Variants in CIT observed in about 807,000 individuals in gnomAD.
CIT encodes citron Rho-interacting kinase.
A neutral mutation model predicts 272.7 loss-of-function variants in CIT; 79 were observed. The ratio of observed to expected loss-of-function variants is 0.29; its 90% CI spans 0.24 to 0.35. CIT has a LOEUF of 0.35. Ranked by LOEUF, CIT falls within the 10% of genes least tolerant of loss-of-function variation. The pLI is 1.00. For missense variants in CIT, 1,909 were observed against 2,618.3 expected (o/e 0.73, Z 5.91); for synonymous variants, 948 against 995.6 (o/e 0.95, Z 0.90).
At chr12:119,730,847 G>A (rs954335901) in intron 26 of CIT, among the ~76,000 whole-genome samples, 2 of 152,354 alleles carry the variant, frequency 1.3e-5, no homozygotes, top group East Asian at 3.9e-4. Flanking sequence ...AACAAAACAG[G>A]CCAGGCACGG....
chr12:119,741,405 A>G lies in CIT; in HGVS notation c.2958+1006T>C, dbSNP rs780057467. On this transcript the variant is annotated intron_variant, in intron 24 of 47. Transcript: ENST00000392521. ...GGGACTAAGAAAGTTCTGTATCTTGATCTACATTGGGGTTACCCAGTTGTC... is the reference window on the plus strand; with the variant it reads ...GGGACTAAGAAAGTTCTGTATCTTGGTCTACATTGGGGTTACCCAGTTGTC... 7.6e-4 allele frequency among the ~76,000 whole-genome samples: 116 copies of G among 152,238 alleles called. 1 individual carries two copies. The highest frequency in any genetic ancestry group is 2.1e-4 in the Non-Finnish European group (14 of 68,046).
intron 10 of CIT, among the ~76,000 whole-genome samples, chr12:119,793,062 G>C (rs1312130753): frequency 2.6e-5 from 4 of 152,118 alleles, no homozygotes. Flanking sequence ...AGTCTGTCTA[G>C]CTTTGGGGCA....
At chr12:119,796,572 G>C (rs7300010) in intron 10 of CIT, among the ~76,000 whole-genome samples, 66,928 of 152,024 alleles carry the variant, frequency 0.44, 15,580 homozygotes, top group Admixed American at 0.6. Flanking sequence ...GAGCGAGTGG[G>C]TCTGTCTATG....
At chr12:119,869,012 GTT>G (rs1247997419) in intron 3 of CIT, 46 bp downstream of exon 3, 9 of 1,600,508 alleles carry the variant, frequency 5.6e-6, no homozygotes, top group Non-Finnish European at 7.7e-6. Flanking sequence ...CATCTTTCTA[GTT>G]TTTCTCTCTC....
At chr12:119,872,218 T>G (rs1950700773) in intron 2 of CIT, among the ~76,000 whole-genome samples, 1 of 152,100 alleles carries the variant, frequency 6.6e-6, no homozygotes, top group South Asian at 2.1e-4. Context: ...GTCTTTCTTT[T>G]TATTTTTTTT....
intron 9 of CIT, among the ~76,000 whole-genome samples, chr12:119,810,851 G>A (rs568929820): frequency 6.6e-6 from 1 of 152,292 alleles, no homozygotes; most frequent in South Asian, 2.1e-4. Context: ...GAAGTCTCAT[G>A]GGAATGAACG....
In CIT at chr12:119,718,849, G is replaced by C. The variant is rs527703105; in HGVS notation, c.3853C>G (p.Arg1285Gly). Residue 1285 changes from arginine to glycine, a missense_variant, in exon 31 of 48, where the codon CGA becomes GGA. Arg to Gly is a moderately radical substitution (Grantham distance 125, BLOSUM62 -2). This residue lies in a region of CIT where 780 missense variants were observed against 1,067.2 expected (regional missense o/e 0.73). Coordinates refer to ENST00000392521, the MANE Select transcript of CIT (RefSeq NM_001206999.2). This position sits in a 1 kb window ranked among gnomAD's most constrained non-coding sequence, Gnocchi z 4.8. ...GGTAAAGCAGGGTCCTCTTTCCGTCGACTAAATAAACCCTAGCAATGGAAA... is the reference window on the plus strand; with the variant it reads ...GGTAAAGCAGGGTCCTCTTTCCGTCCACTAAATAAACCCTAGCAATGGAAA... Reference protein sequence around the residue: ...PAKKKKGLFSRRKEDPALPTQ... With the variant: ...PAKKKKGLFSGRKEDPALPTQ... The C allele has an allele frequency of 6.2e-7, 1 of 1,614,050 alleles. No homozygotes were observed. Among genetic ancestry groups the C allele is most frequent in the East Asian group, 2.2e-5 (1 of 44,866 alleles).
chr12:119,828,993 G>C (rs1382469397), intron 7 of CIT, among the ~76,000 whole-genome samples: 4 of 31,140 alleles, frequency 1.3e-4, no homozygotes, highest in Non-Finnish European at 4.1e-4. Context: ...GGAAAAGAAA[G>C]GAAGGAAGGA....
intron 23 of CIT, among the ~76,000 whole-genome samples, chr12:119,743,162 C>G (rs1177454187): frequency 6.6e-6 from 1 of 150,720 alleles, no homozygotes; most frequent in East Asian, 1.9e-4. Flanking sequence ...GACGGAAGAT[C>G]GGAAATGAAT....
At chr12:119,753,128 C>T (rs949613362) in intron 22 of CIT, among the ~76,000 whole-genome samples, 1 of 152,064 alleles carries the variant, frequency 6.6e-6, no homozygotes, top group African/African-American at 2.4e-5. Flanking sequence ...CAAACATGGA[C>T]AGTGTGGTCC....
intron 22 of CIT, among the ~76,000 whole-genome samples, chr12:119,752,470 A>C (rs1002529635): frequency 6.6e-6 from 1 of 152,166 alleles, no homozygotes; most frequent in Non-Finnish European, 1.5e-5. Context: ...ATATCTCCTA[A>C]CCACCCCTTA....
intron 26 of CIT, among the ~76,000 whole-genome samples, chr12:119,732,937 C>T (rs957796459): frequency 2.6e-5 from 4 of 152,182 alleles, no homozygotes; most frequent in Admixed American, 1.3e-4. Context: ...AACTGGAAAG[C>T]GGCACCCGTC....
chr12:119,823,502 G>A (rs1051083756), intron 8 of CIT, among the ~76,000 whole-genome samples: 9 of 152,148 alleles, frequency 5.9e-5, no homozygotes, highest in African/African-American at 9.7e-5. Flanking sequence ...TAACGCACTC[G>A]TTATTGAATG....
chr12:119,820,392 A>G (rs1215246666), intron 9 of CIT, among the ~76,000 whole-genome samples: 1 of 151,906 alleles, frequency 6.6e-6, no homozygotes, highest in Non-Finnish European at 1.5e-5. Context: ...CTCTACTGAA[A>G]ATACAAAAAG....
At position 119,752,125 on chromosome 12, in the gene CIT, C is replaced by A; in HGVS notation, c.2829G>T (p.Glu943Asp). The A allele has an allele frequency of 6.2e-7, 1 of 1,613,070 alleles. No individual in the cohort carries two copies. Among genetic ancestry groups the A allele is most frequent in the South Asian group, 1.1e-5 (1 of 91,024 alleles). Residue 943 changes from glutamate to aspartate, a missense_variant, in exon 23 of 48, where the codon GAG becomes GAT. Glu to Asp is a conservative substitution (Grantham distance 45). Transcript: ENST00000392521. ...TALQAARAAL[E>D]SQLRQAKTEL... The stretch of plus-strand genomic sequence containing the variant: ...CTGTCTTCGCCTGGCGAAGCTGGCT[C>A]TCCAGGGCCGCCCGTGCAGCCTGCA...
intron 2 of CIT, among the ~76,000 whole-genome samples, chr12:119,870,368 T>C (rs1950632543): frequency 6.6e-6 from 1 of 151,832 alleles, no homozygotes; most frequent in Non-Finnish European, 1.5e-5. Context: ...CTGGCCAACA[T>C]GGTGAAACCC....
intron 9 of CIT, among the ~76,000 whole-genome samples, chr12:119,817,058 T>C (rs1967252327): frequency 6.6e-6 from 1 of 152,246 alleles, no homozygotes; most frequent in South Asian, 2.1e-4. Flanking sequence ...CAACTCATCT[T>C]GAGATTAGAA....
chr12:119,751,619 A>AAG (rs1555233296), intron 23 of CIT, among the ~76,000 whole-genome samples: 72 of 145,958 alleles, frequency 4.9e-4, no homozygotes, highest in Middle Eastern at 3.6e-3. Context: ...AAAAAAAAAA[A>AAG]AAGTAACATG....
At position 119,793,849 on chromosome 12, in the gene CIT, T is replaced by C. The variant is rs203354; in HGVS notation, c.1296-8784A>G. On this transcript the variant is annotated intron_variant, in intron 10 of 47. Coordinates refer to ENST00000392521, the MANE Select transcript of CIT (RefSeq NM_001206999.2). ...GTAGGCTCTCAAATAGCTGAATGAA[T>C]TAATGAATTAATGAACAAATGAATG... 8.2e-3 allele frequency among the ~76,000 whole-genome samples: 1,242 copies of C among 152,356 alleles called. 19 individuals are homozygous for C. Among genetic ancestry groups the C allele is most frequent in the African/African-American group, 0.028 (1,181 of 41,580 alleles).
Sources: gnomAD v4.1 joint callset for allele counts (sites outside exome capture counted in the v4.1 genomes callset) on GRCh38, gnomAD v4.1.1 for gene constraint, gnomAD v4.1.1 regional missense constraint, Gnocchi (gnomAD v3.1) non-coding constraint, MANE v1.5 for transcripts, NCBI Gene and HGNC (gene_info 2026-07-23, HGNC 2026-07-21) for gene names.